The following PPP2R1A variants were observed in gnomAD, a reference collection of about 807,000 sequenced individuals.
PPP2R1A encodes serine/threonine-protein phosphatase 2A 65 kDa regulatory subunit A alpha isoform.
PPP2R1A carries 15 observed loss-of-function variants against 67.1 expected under a neutral mutation model. The ratio of observed to expected loss-of-function variants is 0.22; its 90% CI spans 0.15 to 0.34. PPP2R1A has a LOEUF of 0.34. Ranked by LOEUF, PPP2R1A falls within the 10% of genes least tolerant of loss-of-function variation. The probability of loss-of-function intolerance (pLI) is 1.00; values close to 1 mark genes in which losing one functional copy is unlikely to be tolerated. For missense variants in PPP2R1A, 369 were observed against 775.0 expected (o/e 0.48, Z 6.22); for synonymous variants, 337 against 325.0 (o/e 1.04, Z -0.40).
chr19:52,211,252 C>A lies in PPP2R1A; in HGVS notation c.271-8C>A. On this transcript the variant is annotated splice_polypyrimidine_tract_variant and splice_region_variant and intron_variant, in intron 3 of 14. Coordinates refer to ENST00000322088, the MANE Select transcript of PPP2R1A (RefSeq NM_014225.6). This position sits in a 1 kb window ranked among gnomAD's most constrained non-coding sequence, Gnocchi z 5.3. ...GAGCTGTCCAGTGACTTTGTGTTCT[C>A]ACCACAGCCACCGCTGGAGTCGCTG... 1 of 1,610,970 alleles carries A rather than the reference C, an allele frequency of 6.2e-7. No individual in the cohort carries two copies. Among genetic ancestry groups the A allele is most frequent in the African/African-American group, 1.3e-5 (1 of 74,972 alleles).
rs781037034 is a variant in PPP2R1A, at chr19:52,190,139, G to A, written c.43G>A (p.Val15Met). The A allele has an allele frequency of 6.4e-7, 1 of 1,550,978 alleles. No homozygotes were observed. Among genetic ancestry groups the A allele is most frequent in the Non-Finnish European group, 8.7e-7 (1 of 1,146,798 alleles). ...CGACGACTCGCTGTACCCCATCGCG[G>A]TGCTCATAGACGAACTCCGCAATGA... ...DGDDSLYPIA[V>M]LIDELRNEDV... Residue 15 changes from valine to methionine, a missense_variant, in exon 1 of 15, where the codon GTG becomes ATG. This residue lies in a region of PPP2R1A where 93 missense variants were observed against 266.5 expected (regional missense o/e 0.35). Coordinates refer to ENST00000322088, the MANE Select transcript of PPP2R1A (RefSeq NM_014225.6).
Position 52,215,794 on chromosome 19 carries a change from G to A in PPP2R1A, c.823G>A (p.Gly275Arg). Residue 275 changes from glycine to arginine, a missense_variant, in exon 7 of 15, where the codon GGG becomes AGG. Gly to Arg is a moderately radical substitution (Grantham distance 125). Transcript: ENST00000322088. ...DKFTELQKAV[G>R]PEITKTDLVP... ...CTGTCTGCAGCTCCAGAAAGCAGTG[G>A]GGCCTGAGATCACCAAGACAGACCT... is the stretch of plus-strand genomic sequence containing the variant. The A allele has an allele frequency of 6.2e-7, 1 of 1,613,980 alleles. No homozygotes were observed. The highest frequency in any genetic ancestry group is 8.5e-7 in the Non-Finnish European group (1 of 1,179,888).
At chr19:52,214,993 T>C (rs1978478013) in intron 6 of PPP2R1A, among the ~76,000 whole-genome samples, 2 of 152,214 alleles carry the variant, frequency 1.3e-5, no homozygotes, top group South Asian at 4.1e-4. Context: ...CCCAAAGCGC[T>C]GGGATTACAG....
At chr19:52,220,401 C>T in intron 11 of PPP2R1A, 152 bp downstream of exon 11, 1 of 849,942 alleles carries the variant, frequency 1.2e-6, no homozygotes, top group South Asian at 1.5e-5. Flanking sequence ...TTGTTAGAGT[C>T]CTAGAGAAGT....
chr19:52,216,452 A>C lies in PPP2R1A; in HGVS notation c.994-77A>C, dbSNP rs1000972114. On this transcript the variant is annotated intron_variant, in intron 8 of 14. Coordinates refer to ENST00000322088, the MANE Select transcript of PPP2R1A (RefSeq NM_014225.6). This position sits in a 1 kb window ranked among gnomAD's most constrained non-coding sequence, Gnocchi z 4.3. ...GGGCAGAAGCAGGTTATTGTCTCTT[A>C]GGAGTTGGCATCTGCTTAGCCACTT... The C allele has an allele frequency of 1.0e-5, 16 of 1,555,554 alleles. No individual in the cohort carries two copies. The African/African-American group carries it at 1.1e-4, about 11-fold the overall frequency.
intron 1 of PPP2R1A, chr19:52,200,964 G>T (rs1327141476): frequency 6.6e-6 from 1 of 150,468 alleles, no homozygotes; most frequent in Non-Finnish European, 1.5e-5. Context: ...CTAACCCTCC[G>T]TTTAGGGTGA....
rs113244174 is a variant in PPP2R1A at position 52,192,656 on chromosome 19, A to G, written c.78+2482A>G. Among the ~76,000 whole-genome samples the G allele has an allele frequency of 9.7e-4, 148 of 152,130 alleles. 2 individuals are homozygous for G. Among genetic ancestry groups the G allele is most frequent in the African/African-American group, 3.4e-3 (141 of 41,500 alleles). On this transcript the variant is annotated intron_variant, in intron 1 of 14. Transcript: ENST00000322088. ...AACTCCAGGATCACTTCCTTCAGCT[A>G]TCTATCCTCCCATCTTTTCATTCAT...
rs1978580292 is a variant in PPP2R1A at position 52,216,457 on chromosome 19, T to G, written c.994-72T>G. ...GAAGCAGGTTATTGTCTCTTAGGAG[T>G]TGGCATCTGCTTAGCCACTTGCTGC... On this transcript the variant is annotated intron_variant, in intron 8 of 14. Coordinates refer to ENST00000322088, the MANE Select transcript of PPP2R1A (RefSeq NM_014225.6). This position sits in a 1 kb window ranked among gnomAD's most constrained non-coding sequence, Gnocchi z 4.3. The G allele has an allele frequency of 6.4e-7, 1 of 1,568,352 alleles. No homozygotes were observed. The highest frequency in any genetic ancestry group is 1.4e-5 in the African/African-American group (1 of 73,838).
intron 6 of PPP2R1A, among the ~76,000 whole-genome samples, chr19:52,215,000 A>G (rs1377572541): frequency 6.6e-6 from 1 of 152,174 alleles, no homozygotes; most frequent in Non-Finnish European, 1.5e-5. Context: ...CGCTGGGATT[A>G]CAGGTGTAAG....
intron 1 of PPP2R1A, chr19:52,201,232 A>G (rs926153682): frequency 6.6e-6 from 1 of 152,260 alleles, no homozygotes; most frequent in African/African-American, 2.4e-5. Context: ...TGAGGCTGCT[A>G]TTCAGCCTCC....
intron 2 of PPP2R1A, among the ~76,000 whole-genome samples, chr19:52,203,211 G>A (rs560024734): frequency 6.6e-5 from 10 of 152,210 alleles, no homozygotes; most frequent in African/African-American, 2.4e-4. Flanking sequence ...GCAGTGACTC[G>A]CCTACAGTGG....
intron 13 of PPP2R1A, among the ~76,000 whole-genome samples, chr19:52,222,959 A>G (rs1247619516): frequency 2.6e-5 from 4 of 152,246 alleles, no homozygotes; most frequent in African/African-American, 9.6e-5. Context: ...AAGCCCAATA[A>G]TCTTAACAGG....
chr19:52,217,580 G>T (rs965756716), intron 9 of PPP2R1A, among the ~76,000 whole-genome samples: 1 of 152,180 alleles, frequency 6.6e-6, no homozygotes, highest in Non-Finnish European at 1.5e-5. Flanking sequence ...CCATTAAGGT[G>T]TTACAGGTGC....
rs770604606 is a variant in PPP2R1A, at chr19:52,222,117, G to A, written c.1537G>A (p.Gly513Arg). 24 of 1,613,046 alleles carry A rather than the reference G, an allele frequency of 1.5e-5. No homozygotes were observed. The South Asian group carries it at 2.5e-4, about 17-fold the overall frequency. The change falls in exon 13 of 15, where the codon GGG (glycine) becomes AGG (arginine). Residue 513 changes from glycine to arginine, a missense_variant. Transcript: ENST00000322088. ...CCCCCAGGTGCTGTCTGAGGTCTGT[G>A]GGCAGGACATCACCACCAAGCACAT... ...FCINVLSEVC[G>R]QDITTKHMLP...
intron 3 of PPP2R1A, among the ~76,000 whole-genome samples, chr19:52,208,954 C>T (rs982301390): frequency 6.6e-6 from 1 of 152,212 alleles, no homozygotes; most frequent in African/African-American, 2.4e-5. Flanking sequence ...CCAGACTTCA[C>T]AGAGAGGCTT....
At chr19:52,195,554 C>T (rs1192812316) in intron 1 of PPP2R1A, among the ~76,000 whole-genome samples, 2 of 152,194 alleles carry the variant, frequency 1.3e-5, no homozygotes, top group Non-Finnish European at 2.9e-5. Context: ...CCTTGGCCCT[C>T]GCCTTCAGTT....
chr19:52,209,135 C>T (rs1039074763), intron 3 of PPP2R1A, among the ~76,000 whole-genome samples: 8 of 152,186 alleles, frequency 5.3e-5, no homozygotes, highest in Non-Finnish European at 1.0e-4. Flanking sequence ...CTACTTCCTG[C>T]AGTAACCTAC....
intron 13 of PPP2R1A, among the ~76,000 whole-genome samples, 183 bp from the exon 14 acceptor site, chr19:52,225,534 G>A (rs1036023135): frequency 6.6e-6 from 1 of 152,044 alleles, no homozygotes; most frequent in Admixed American, 6.6e-5. Flanking sequence ...ATGGTCACCC[G>A]CCTGTGCAGT....
intron 1 of PPP2R1A, among the ~76,000 whole-genome samples, chr19:52,197,412 T>C (rs1230636352): frequency 6.6e-6 from 1 of 152,174 alleles, no homozygotes; most frequent in African/African-American, 2.4e-5. Context: ...CAGTGGCTCA[T>C]GCCTATAATC....
Sources: gnomAD v4.1 joint callset for allele counts (sites outside exome capture counted in the v4.1 genomes callset) on GRCh38, gnomAD v4.1.1 for gene constraint, gnomAD v4.1.1 regional missense constraint, Gnocchi (gnomAD v3.1) non-coding constraint, MANE v1.5 for transcripts, NCBI Gene and HGNC (gene_info 2026-07-23, HGNC 2026-07-21) for gene names.